Variants in ASPH observed in about 807,000 individuals in gnomAD.
ASPH encodes aspartyl/asparaginyl beta-hydroxylase.
ASPH carries 100 observed loss-of-function variants against 118.4 expected under a neutral mutation model. The observed-to-expected ratio is 0.84, with a 90% CI of 0.72 to 1.00. The LOEUF (loss-of-function observed/expected upper bound fraction) is 1.00, where lower values mean the gene tolerates loss of function less well. Among genes scored for constraint, ASPH ranks in the 50% least tolerant of loss-of-function variants. The probability of loss-of-function intolerance (pLI) is 0.00; values close to 1 mark genes in which losing one functional copy is unlikely to be tolerated. For missense variants in ASPH, 920 were observed against 919.5 expected, an observed-to-expected ratio of 1.00 and a Z score of -0.01; for synonymous variants, 315 against 325.6, an observed-to-expected ratio of 0.97 and a Z score of 0.35.
chr8:61,562,769 T>C lies in ASPH; in HGVS notation c.1412A>G (p.Asp471Gly), dbSNP rs538536484. 2 of 1,609,418 alleles carry C rather than the reference T, an allele frequency of 1.2e-6. No homozygotes were observed. The highest frequency in any genetic ancestry group is 1.3e-5 in the African/African-American group (1 of 74,780). The part of the protein sequence containing the change: ...GVGYLLIGDN[D>G]NAKKVYEEVL... The stretch of plus-strand genomic sequence containing the variant: ...CTCTTCATAAACTTTCTTTGCATTG[T>C]CATTATCTCCTATCAAGAGGTATCC... The change falls in exon 18 of 25, where the codon GAC becomes GGC. Residue 471 changes from aspartate (D) to glycine (G), a missense_variant. Transcript: ENST00000379454.
chr8:61,572,641 C>T (rs919262661), intron 16 of ASPH, among the ~76,000 whole-genome samples: 6 of 152,278 alleles, frequency 3.9e-5, no homozygotes, highest in Admixed American at 2.6e-4. Context: ...ACCAACTGCC[C>T]ACTTCCCTCA....
At position 61,714,493 on chromosome 8, in the gene ASPH, G is replaced by A; in HGVS notation, c.-122C>T. On this transcript the variant is annotated 5_prime_UTR_variant, in exon 1 of 25. Coordinates refer to ENST00000379454, the MANE Select transcript of ASPH (RefSeq NM_004318.4). ...GGAGCGGGTTCGGGCCGCTGCTCCTGCAGCAGACCCTGTGCCTCAGCACCG... is the reference window on the plus strand; with the variant it reads ...GGAGCGGGTTCGGGCCGCTGCTCCTACAGCAGACCCTGTGCCTCAGCACCG... 1 of 1,319,534 alleles carries A rather than the reference G, an allele frequency of 7.6e-7. No homozygotes were observed. The highest frequency in any genetic ancestry group is 3.9e-5 in the Admixed American group (1 of 25,820). The allele number at this position is 1,319,534 out of a possible 1,614,324, so 81.7% of individuals were successfully genotyped here.
chr8:61,668,156 A>T, intron 3 of ASPH: 1 of 1,408,268 alleles, frequency 7.1e-7, no homozygotes, highest in Non-Finnish European at 9.9e-7. Context: ...TAGCAATATT[A>T]ACATTCCCAG....
intron 8 of ASPH, among the ~76,000 whole-genome samples, chr8:61,643,705 A>G (rs550432606): frequency 6.6e-6 from 1 of 152,346 alleles, no homozygotes; most frequent in Admixed American, 6.5e-5. Context: ...CCAGCACCTT[A>G]CCTACAAAGA....
At chr8:61,662,833 T>C (rs1011241909) in intron 3 of ASPH, 11 of 982,876 alleles carry the variant, frequency 1.1e-5, no homozygotes, top group Middle Eastern at 5.2e-4. Context: ...TTCAAAGTAC[T>C]TTACTAAATA....
intron 21 of ASPH, among the ~76,000 whole-genome samples, chr8:61,526,766 G>A (rs1815498950): frequency 6.6e-6 from 1 of 152,204 alleles, no homozygotes; most frequent in Non-Finnish European, 1.5e-5. Flanking sequence ...AGGAGTGGAG[G>A]GGCAGGTGAC....
At chr8:61,667,513 C>G (rs763536962) in intron 3 of ASPH, among the ~76,000 whole-genome samples, 1 of 152,028 alleles carries the variant, frequency 6.6e-6, no homozygotes, top group Non-Finnish European at 1.5e-5. Context: ...ATTACAGGTG[C>G]CTGCCACCAA....
At chr8:61,566,866 C>T (rs1264442939) in intron 17 of ASPH, among the ~76,000 whole-genome samples, 5 of 152,180 alleles carry the variant, frequency 3.3e-5, no homozygotes, top group Admixed American at 6.5e-5. Flanking sequence ...ACTTAAGACA[C>T]TATGACATAG....
chr8:61,541,153 G>A (rs1433725097), intron 21 of ASPH, among the ~76,000 whole-genome samples: 5 of 151,986 alleles, frequency 3.3e-5, no homozygotes, highest in Admixed American at 3.3e-4. Context: ...TTAAAAGATA[G>A]AATTTATTTA....
chr8:61,547,510 T>C (rs1248853885), intron 21 of ASPH, among the ~76,000 whole-genome samples: 1 of 151,858 alleles, frequency 6.6e-6, no homozygotes, highest in East Asian at 1.9e-4. Context: ...CACAGTAGAG[T>C]TTTCCAGAAG....
At chr8:61,609,214 A>G (rs1846545073) in intron 14 of ASPH, among the ~76,000 whole-genome samples, 1 of 152,120 alleles carries the variant, frequency 6.6e-6, no homozygotes, top group South Asian at 2.1e-4. Flanking sequence ...GTGCTATTCC[A>G]GTACTTTGAG....
intron 13 of ASPH, 102 bp downstream of exon 13, chr8:61,633,580 CA>C (rs1856522093): frequency 1.9e-6 from 2 of 1,045,646 alleles, no homozygotes; most frequent in East Asian, 5.2e-5. Context: ...TAATCTCTCT[CA>C]AAATTTTTAT....
At chr8:61,662,851 A>C (rs980902289) in intron 3 of ASPH, 41 of 983,844 alleles carry the variant, frequency 4.2e-5, no homozygotes, top group Admixed American at 6.1e-5. Context: ...ATAGCAATAG[A>C]CAATTCTTAT....
intron 1 of ASPH, among the ~76,000 whole-genome samples, chr8:61,709,174 T>A (rs1837469134): frequency 6.6e-6 from 1 of 152,014 alleles, no homozygotes; most frequent in Admixed American, 6.5e-5. Flanking sequence ...GATAACCACA[T>A]CAGCCAAAGG....
intron 18 of ASPH, among the ~76,000 whole-genome samples, chr8:61,558,044 C>T (rs1367214381): frequency 6.6e-6 from 1 of 152,094 alleles, no homozygotes; most frequent in Non-Finnish European, 1.5e-5. Context: ...TCTTCCAGGC[C>T]CTGGGCATAG....
At chr8:61,677,958 C>A (rs568425257) in intron 3 of ASPH, among the ~76,000 whole-genome samples, 70 of 152,224 alleles carry the variant, frequency 4.6e-4, no homozygotes, top group African/African-American at 1.5e-3. Context: ...GTTCTCAAGA[C>A]AAAAGTACTA....
rs149397011 is a variant in ASPH at position 61,687,246 on chromosome 8, A to G, written c.104-3058T>C. On this transcript the variant is annotated intron_variant, in intron 1 of 24. Transcript: ENST00000379454. ...TGAAAAGGAAATTATCATTTATCCA[A>G]GTTAACTCAGTGATACTCATTTAAG... 3.4e-3 allele frequency among the ~76,000 whole-genome samples: 521 copies of G among 152,334 alleles called. 2 individuals are homozygous for G. Among genetic ancestry groups the G allele is most frequent in the Middle Eastern group, 0.01 (3 of 294 alleles).
At chr8:61,680,412 C>T (rs1005819785) in intron 3 of ASPH, 1 of 151,690 alleles carries the variant, frequency 6.6e-6, no homozygotes, top group Admixed American at 6.6e-5. Context: ...CTGATAAAGA[C>T]AAGTAATTCT....
intron 14 of ASPH, among the ~76,000 whole-genome samples, chr8:61,590,053 T>G (rs953668676): frequency 2.0e-5 from 3 of 152,098 alleles, no homozygotes; most frequent in African/African-American, 7.2e-5. Context: ...TTTTTTGGTT[T>G]TTTTGTTTTG....
Sources: allele counts gnomAD v4.1 joint callset (sites outside exome capture counted in the v4.1 genomes callset), GRCh38; gene constraint gnomAD v4.1.1; transcripts MANE v1.5; gene names NCBI Gene and HGNC (gene_info 2026-07-23, HGNC 2026-07-21).